The following MYOM1 variants were observed in gnomAD, a reference collection of about 807,000 sequenced individuals.
The protein encoded by MYOM1 is myomesin-1.
A neutral mutation model predicts 205.3 loss-of-function variants in MYOM1; 164 were observed. That is an observed-to-expected ratio of 0.80 (90% confidence interval 0.70 to 0.91). The LOEUF is 0.91. Ranked by LOEUF, MYOM1 falls within the 40% of genes least tolerant of loss-of-function variation. The pLI is 0.00. For synonymous variants in MYOM1, 772 were observed against 789.4 expected, an observed-to-expected ratio of 0.98 and a Z score of 0.37; for missense variants, 2,011 against 2,127.3, an observed-to-expected ratio of 0.95 and a Z score of 1.08.
intron 21 of MYOM1, among the ~76,000 whole-genome samples, chr18:3,114,537 T>G (rs2079575750): frequency 7.4e-6 from 1 of 135,852 alleles, no homozygotes; most frequent in Admixed American, 8.3e-5. Context: ...GCCACCATGG[T>G]CAGCTAATTT....
intron 14 of MYOM1, among the ~76,000 whole-genome samples, chr18:3,136,774 C>T (rs374764075): frequency 3.3e-5 from 5 of 152,046 alleles, no homozygotes; most frequent in Admixed American, 2.0e-4. Flanking sequence ...TGTTTCTTAG[C>T]CTGCTTTATT....
At chr18:3,162,417 C>T (rs985601938) in intron 10 of MYOM1, among the ~76,000 whole-genome samples, 1 of 152,188 alleles carries the variant, frequency 6.6e-6, no homozygotes, top group Admixed American at 6.5e-5. Flanking sequence ...ACTTGCCCTG[C>T]TTTCCCTACC....
At chr18:3,104,536 A>T (rs1416373756) in intron 22 of MYOM1, among the ~76,000 whole-genome samples, 110 of 152,184 alleles carry the variant, frequency 7.2e-4, no homozygotes, top group Admixed American at 7.2e-3. Context: ...TTTTCTGAAA[A>T]CAAAATAGCC....
intron 5 of MYOM1, among the ~76,000 whole-genome samples, chr18:3,186,779 AAG>A (rs2080817366): frequency 2.2e-5 from 3 of 137,712 alleles, no homozygotes; most frequent in Admixed American, 7.2e-5. Context: ...GGAAGGAAGG[AAG>A]GAGAGAGAGA....
At chr18:3,246,594 C>G in the MYOM1 span, 1 of 152,152 alleles carries the variant, frequency 6.6e-6, no homozygotes, top group African/African-American at 2.4e-5. Context: ...GGAACGTTCC[C>G]GAGATCCCTC....
intron 10 of MYOM1, among the ~76,000 whole-genome samples, chr18:3,160,425 A>T (rs1293695424): frequency 1.3e-5 from 2 of 151,986 alleles, no homozygotes; most frequent in Non-Finnish European, 2.9e-5. Context: ...GGCTCAAGAG[A>T]TCCTCCTATC....
intron 2 of MYOM1, among the ~76,000 whole-genome samples, chr18:3,194,493 G>A (rs780290830): frequency 3.3e-5 from 5 of 152,184 alleles, no homozygotes; most frequent in Non-Finnish European, 5.9e-5. Flanking sequence ...GGGAACACAC[G>A]ATGCCGATTG....
At chr18:3,100,257 CTT>C in intron 24 of MYOM1, 54 bp from the exon 25 acceptor site, 1 of 1,613,014 alleles carries the variant, frequency 6.2e-7, no homozygotes, top group Non-Finnish European at 8.5e-7. Flanking sequence ...ATAAAAGTCA[CTT>C]AAGAATAACT....
rs1324817182 is a variant in MYOM1 at position 3,149,141 on chromosome 18, T to C, written c.1900+4A>G. The C allele has an allele frequency of 1.9e-6, 3 of 1,613,742 alleles. No homozygotes were observed. The highest frequency in any genetic ancestry group is 2.2e-5 in the East Asian group (1 of 44,876). ...ATAGTATCTGGGGCAACCAGACTTC[T>C]TACCTGAAGGTTCCTCTTCAGTAAC... is the stretch of plus-strand genomic sequence containing the variant. On this transcript the variant is annotated splice_donor_region_variant and intron_variant, in intron 13 of 37. Coordinates refer to ENST00000356443, the MANE Select transcript of MYOM1 (RefSeq NM_003803.4).
chr18:3,167,476 T>C (rs1345599131), intron 9 of MYOM1, among the ~76,000 whole-genome samples: 2 of 152,226 alleles, frequency 1.3e-5, no homozygotes, highest in Non-Finnish European at 2.9e-5. Context: ...TTCTGCCTTC[T>C]GAGTTCAAGC....
intron 14 of MYOM1, among the ~76,000 whole-genome samples, chr18:3,138,824 G>A (rs558943833): frequency 6.6e-6 from 1 of 152,310 alleles, no homozygotes; most frequent in South Asian, 2.1e-4. Flanking sequence ...TTCCAGAGGA[G>A]AAGACAAGCC....
chr18:3,245,304 G>A, the MYOM1 span, among the ~76,000 whole-genome samples: 1 of 152,326 alleles, frequency 6.6e-6, no homozygotes, highest in South Asian at 2.1e-4. Context: ...GAGCCTGGGA[G>A]ATGGAGGCTG....
At chr18:3,134,041 G>A (rs2079914993) in intron 16 of MYOM1, among the ~76,000 whole-genome samples, 1 of 152,032 alleles carries the variant, frequency 6.6e-6, no homozygotes, top group South Asian at 2.1e-4. Context: ...TGTATTTTTT[G>A]TAGAGGCAGG....
At chr18:3,158,689 C>T (rs770426517) in intron 10 of MYOM1, among the ~76,000 whole-genome samples, 3 of 152,238 alleles carry the variant, frequency 2.0e-5, no homozygotes, top group East Asian at 1.9e-4. Context: ...TCATAGTTCC[C>T]GGTGGCTTTG....
At chr18:3,137,583 A>C (rs2079989016) in intron 14 of MYOM1, among the ~76,000 whole-genome samples, 1 of 152,074 alleles carries the variant, frequency 6.6e-6, no homozygotes. Flanking sequence ...CAAATATCTC[A>C]TGTTCTCATT....
In MYOM1 at chr18:3,168,912, A is replaced by G; in HGVS notation, c.1244T>C (p.Phe415Ser). 1 of 1,613,860 alleles carries G rather than the reference A, an allele frequency of 6.2e-7. No individual in the cohort carries two copies. Among genetic ancestry groups the G allele is most frequent in the African/African-American group, 1.3e-5 (1 of 75,034 alleles). Residue 415 changes from phenylalanine to serine, a missense_variant, in exon 9 of 38, where the codon TTT becomes TCT. Transcript: ENST00000356443. ...ACTCATTGTCTCTCCCTCTCTCCCAAAAGACACATCAAATTTGTCATCAAA... is the reference window on the plus strand; with the variant it reads ...ACTCATTGTCTCTCCCTCTCTCCCAGAAGACACATCAAATTTGTCATCAAA... ...IHFDDKFDVSFGREGETMSLG... is the reference protein window; with the variant it reads ...IHFDDKFDVSSGREGETMSLG...
At chr18:3,243,962 T>C in the MYOM1 span, among the ~76,000 whole-genome samples, 1 of 152,180 alleles carries the variant, frequency 6.6e-6, no homozygotes, top group Admixed American at 6.5e-5. Context: ...GAGCAATGGA[T>C]AGTGACCTTG....
intron 36 of MYOM1, among the ~76,000 whole-genome samples, chr18:3,072,681 C>G (rs1410899073): frequency 7.1e-6 from 1 of 141,336 alleles, no homozygotes; most frequent in African/African-American, 3.0e-5. Context: ...CCTTCTTCAC[C>G]GTCATATTGT....
At chr18:3,227,129 T>C in the MYOM1 span, among the ~76,000 whole-genome samples, 35 of 152,228 alleles carry the variant, frequency 2.3e-4, no homozygotes, top group African/African-American at 6.8e-4. Context: ...CATAAATAGA[T>C]ATCTGGTATG....
Sources: gnomAD v4.1 joint callset for allele counts (sites outside exome capture counted in the v4.1 genomes callset) on GRCh38, gnomAD v4.1.1 for gene constraint, MANE v1.5 for transcripts, NCBI Gene and HGNC (gene_info 2026-07-23, HGNC 2026-07-21) for gene names.